Variants in TOP2A observed in about 807,000 individuals in gnomAD.
TOP2A encodes DNA topoisomerase II alpha.
TOP2A carries 68 observed loss-of-function variants against 187.2 expected under a neutral mutation model. The ratio of observed to expected loss-of-function variants is 0.36; its 90% CI spans 0.30 to 0.44. The LOEUF (loss-of-function observed/expected upper bound fraction) is 0.44. Ranked by LOEUF, TOP2A falls within the 20% of genes least tolerant of loss-of-function variation. The pLI is 1.00. For synonymous variants in TOP2A, 542 were observed against 593.2 expected (o/e 0.91, Z 1.25); for missense variants, 1,196 against 1,808.7 (o/e 0.66, Z 6.14).
In TOP2A at chr17:40,399,869, T is replaced by C; in HGVS notation, c.3196+3A>G. The C allele has an allele frequency of 6.3e-7, 1 of 1,590,638 alleles. No individual in the cohort carries two copies. Among genetic ancestry groups the C allele is most frequent in the East Asian group, 2.2e-5 (1 of 44,686 alleles). ...GTAAGCAGTTATTATTCCCAAAACA[T>C]ACCAATGATTATTTTGCCATCTATT... On this transcript the variant is annotated splice_donor_region_variant and intron_variant, in intron 24 of 34. Transcript: ENST00000423485.
rs924500516 is a variant in TOP2A at position 40,392,744 on chromosome 17, G to C, written c.3812-7C>G. ...TGTTTCTTTGTCTTTGTACCTAGAG[G>C]GGAGATAGAAATTAATCACCTTTAT... On this transcript the variant is annotated splice_polypyrimidine_tract_variant and splice_region_variant and intron_variant, in intron 29 of 34. Coordinates refer to ENST00000423485, the MANE Select transcript of TOP2A (RefSeq NM_001067.4). 5.0e-6 allele frequency: 8 copies of C among 1,599,688 alleles called. No individual in the cohort carries two copies. Among genetic ancestry groups the C allele is most frequent in the Non-Finnish European group, 6.0e-6 (7 of 1,176,366 alleles).
intron 20 of TOP2A, among the ~76,000 whole-genome samples, chr17:40,401,650 A>G (rs2143651278): frequency 6.6e-6 from 1 of 152,292 alleles, no homozygotes; most frequent in Middle Eastern, 3.4e-3. Flanking sequence ...CAGAGGTTGC[A>G]ATGAGCCGAA....
Position 40,404,183 on chromosome 17 carries a change from A to G in TOP2A, c.2252T>C (p.Val751Ala). The G allele has an allele frequency of 6.2e-7, 1 of 1,613,846 alleles. No homozygotes were observed. Among genetic ancestry groups the G allele is most frequent in the Non-Finnish European group, 8.5e-7 (1 of 1,179,842 alleles). ...EVKVAQLAGS[V>A]AEMSSYHHGE... ...ATGATGATAAGAAGACATTTCAGCC[A>G]CTGATCCAGCTAATTGGGCAACCTT... is the stretch of plus-strand genomic sequence containing the variant. Residue 751 changes from valine (V) to alanine (A), a missense_variant, in exon 19 of 35, where the codon GTG becomes GCG. Transcript: ENST00000423485.
Position 40,398,595 on chromosome 17 carries a change from C to T in TOP2A, c.3500G>A (p.Trp1167Ter). Residue 1167 changes from tryptophan (W) to a stop codon, truncating the protein, a stop_gained, in exon 27 of 35, where the codon TGG becomes TAG. Transcript: ENST00000423485. LOFTEE classifies it high-confidence loss of function. The stretch of plus-strand genomic sequence containing the variant: ...AATAAATGTAGCCAAGTCTTCTTTC[C>T]ACAAATCTGATGGACTCTTTCTTTT... ...TLKRKSPSDL[W>*]KEDLATFIEE... The T allele has an allele frequency of 6.3e-7, 1 of 1,591,220 alleles. No individual in the cohort carries two copies. Among genetic ancestry groups the T allele is most frequent in the Non-Finnish European group, 8.6e-7 (1 of 1,167,186 alleles).
At chr17:40,409,981 G>A (rs1019735463) in intron 10 of TOP2A, 25 of 170,194 alleles carry the variant, frequency 1.5e-4, no homozygotes, top group African/African-American at 3.8e-4. Context: ...TCAGCTACTC[G>A]GGAGGCTGAG....
rs534014300 is a variant in TOP2A at position 40,389,299 on chromosome 17, A to G, written c.*220T>C. ...ACAAAAGAAAGCAGACTCAAAACAC[A>G]GACAAAGCAGAGAAGAAAACAATGC... On this transcript the variant is annotated 3_prime_UTR_variant, in exon 35 of 35. Coordinates refer to ENST00000423485, the MANE Select transcript of TOP2A (RefSeq NM_001067.4). 2.2e-4 allele frequency: 93 copies of G among 423,532 alleles called. No homozygotes were observed. The highest frequency in any genetic ancestry group is 1.8e-3 in the African/African-American group (88 of 49,560). The allele number at this position is 423,532 out of a possible 1,614,324, so 26.2% of individuals were successfully genotyped here.
chr17:40,406,326 C>G, intron 16 of TOP2A, 58 bp downstream of exon 16: 1 of 1,248,210 alleles, frequency 8.0e-7, no homozygotes, highest in Non-Finnish European at 1.1e-6. Flanking sequence ...AATGTTTCAA[C>G]TGGCTAAAGT....
rs950938894 is a variant in TOP2A at position 40,401,051 on chromosome 17, T to G, written c.2463A>C (p.Lys821Asn). The change falls in exon 21 of 35, where the codon AAA becomes AAC. Residue 821 changes from lysine (K) to asparagine (N), a missense_variant. Lys to Asn is a moderately conservative substitution (Grantham distance 94, BLOSUM62 0). Coordinates refer to ENST00000423485, the MANE Select transcript of TOP2A (RefSeq NM_001067.4). ...SSLARLLFPP[K>N]DDHTLKFLYD... Reference sequence around the variant, plus strand: ...ATAAAAACTTCAACGTGTGATCATCTTTTGGTGGAAATAACAATCGAGCCA... The same window carrying G: ...ATAAAAACTTCAACGTGTGATCATCGTTTGGTGGAAATAACAATCGAGCCA... 1 of 1,613,624 alleles carries G rather than the reference T, an allele frequency of 6.2e-7. No individual in the cohort carries two copies. The highest frequency in any genetic ancestry group is 8.5e-7 in the Non-Finnish European group (1 of 1,179,766).
Position 40,389,946 on chromosome 17 carries a change from G to T in TOP2A, c.4467+19C>A. On this transcript the variant is annotated intron_variant, in intron 34 of 34. Transcript: ENST00000423485. ...TCAGAACATCTACAGCAAAAGGACT[G>T]ACTAGGATCAACACTCACCTTGCTT... is the stretch of plus-strand genomic sequence containing the variant. 6.2e-7 allele frequency: 1 copy of T among 1,606,238 alleles called. No homozygotes were observed. The highest frequency in any genetic ancestry group is 1.1e-5 in the South Asian group (1 of 89,616).
At chr17:40,412,560 C>T (rs1231938369) in intron 7 of TOP2A, among the ~76,000 whole-genome samples, 199 bp downstream of exon 7, 3 of 152,182 alleles carry the variant, frequency 2.0e-5, no homozygotes, top group East Asian at 1.9e-4. Context: ...AGGAGAATTG[C>T]GTGAACCTGG....
chr17:40,411,812 C>T lies in TOP2A; in HGVS notation c.796G>A (p.Gly266Arg). 6 of 1,585,680 alleles carry T rather than the reference C, an allele frequency of 3.8e-6. No homozygotes were observed. Among genetic ancestry groups the T allele is most frequent in the Non-Finnish European group, 5.1e-6 (6 of 1,170,948 alleles). The change falls in exon 8 of 35, where the codon GGA becomes AGA. Residue 266 changes from glycine to arginine, a missense_variant. Gly to Arg is a moderately radical substitution (Grantham distance 125). Coordinates refer to ENST00000423485, the MANE Select transcript of TOP2A (RefSeq NM_001067.4). This position sits in a 1 kb window ranked among gnomAD's most constrained non-coding sequence, Gnocchi z 4.4. ...TACATGTCCACATAACTACGAAATC[C>T]TTTTACCTGTACAGGAATTAAAGGT... is the stretch of plus-strand genomic sequence containing the variant. Reference protein sequence around the residue: ...FLNGNKLPVKGFRSYVDMYLK... With the variant: ...FLNGNKLPVKRFRSYVDMYLK...
rs1294473895 is a variant in TOP2A, at chr17:40,396,403, G to A, written c.3600C>T (p.Ala1200=). 1 of 1,613,474 alleles carries A rather than the reference G, an allele frequency of 6.2e-7. No homozygotes were observed. Among genetic ancestry groups the A allele is most frequent in the Admixed American group, 1.7e-5 (1 of 59,946 alleles). The part of the protein sequence containing the change: ...QVGLPGKGGK[A]KGKKTQMAEV... ...CAGCCATTTGTGTTTTTTTCCCCTT[G>A]GCCTTCCCCCCTTTCCCAGGAAGTC... is the stretch of plus-strand genomic sequence containing the variant. The change falls in exon 28 of 35, where the codon GCC becomes GCT. Residue 1200 remains alanine (A), a synonymous_variant. Transcript: ENST00000423485.
intron 16 of TOP2A, 87 bp from the exon 17 acceptor site, chr17:40,404,970 A>C (rs1477586640): frequency 1.2e-6 from 1 of 817,428 alleles, no homozygotes; most frequent in East Asian, 2.8e-5. Context: ...GAACAACAGA[A>C]AAACAAAAAT....
Position 40,406,503 on chromosome 17 carries a change from C to A in TOP2A, c.1844-10G>T, listed in dbSNP as rs1297046811. The A allele has an allele frequency of 6.2e-7, 1 of 1,611,760 alleles. No individual in the cohort carries two copies. On this transcript the variant is annotated splice_polypyrimidine_tract_variant and intron_variant, in intron 15 of 34. Coordinates refer to ENST00000423485, the MANE Select transcript of TOP2A (RefSeq NM_001067.4). ...GTGCTGGTGCCCAAACCTATAAAACCAAAAATACCAAGTTCCTTCATATAG... is the reference window on the plus strand; with the variant it reads ...GTGCTGGTGCCCAAACCTATAAAACAAAAAATACCAAGTTCCTTCATATAG...
In TOP2A at chr17:40,391,541, T is replaced by C. The variant is rs1447149111; in HGVS notation, c.4232A>G (p.Lys1411Arg). ...DETEITNPVP[K>R]KNVTVKKTAA... The stretch of plus-strand genomic sequence containing the variant: ...TGTCTTCTTCACTGTCACATTCTTT[T>C]TAGGAACTGGGTTTGTAATTTCAGT... Residue 1411 changes from lysine (K) to arginine (R), a missense_variant, in exon 33 of 35, where the codon AAA (lysine) becomes AGA (arginine). By Grantham distance (26) the Lys-to-Arg change is conservative (BLOSUM62 2). This residue lies in a region of TOP2A where 374 missense variants were observed against 403.3 expected (regional missense o/e 0.93). Coordinates refer to ENST00000423485, the MANE Select transcript of TOP2A (RefSeq NM_001067.4). The C allele has an allele frequency of 1.2e-5, 19 of 1,613,384 alleles. No individual in the cohort carries two copies. The East Asian group carries it at 4.2e-4, about 36-fold the overall frequency.
chr17:40,392,303 C>A lies in TOP2A; in HGVS notation c.4003G>T (p.Asp1335Tyr). The A allele has an allele frequency of 6.2e-7, 1 of 1,603,482 alleles. No homozygotes were observed. Among genetic ancestry groups the A allele is most frequent in the Non-Finnish European group, 8.5e-7 (1 of 1,174,306 alleles). ...GTTTTTTCATCAAAATCTGAGAAAT[C>A]TTCATCTGAATCCAAATCCATTGTG... ...KFTMDLDSDE[D>Y]FSDFDEKTDD... is the part of the protein sequence containing the mutation. The change falls in exon 31 of 35, where the codon GAT becomes TAT. Residue 1335 changes from aspartate (D) to tyrosine (Y), a missense_variant. Around this residue, in one of 10 missense-constraint regions of TOP2A, gnomAD observed 374 missense variants for 403.3 expected, o/e 0.93. Transcript: ENST00000423485.
Position 40,395,477 on chromosome 17 carries a change from T to A in TOP2A, c.3783A>T (p.Arg1261Ser). ...GTTCTCTTTTCTGTTTCTTTTCTAA[T>A]CTTTGTTTTAGGCCTTCTAGTTCCA... The part of the protein sequence containing the change: ...DGVELEGLKQ[R>S]LEKKQKREPG... The change falls in exon 29 of 35, where the codon AGA becomes AGT. Residue 1261 changes from arginine to serine, a missense_variant. Physicochemically the swap from Arg to Ser is moderately radical, Grantham distance 110. Coordinates refer to ENST00000423485, the MANE Select transcript of TOP2A (RefSeq NM_001067.4). The A allele has an allele frequency of 6.2e-7, 1 of 1,611,040 alleles. No homozygotes were observed. Among genetic ancestry groups the A allele is most frequent in the Non-Finnish European group, 8.5e-7 (1 of 1,178,460 alleles).
chr17:40,392,147 T>C, intron 31 of TOP2A, 36 bp from the exon 32 acceptor site: 1 of 1,610,970 alleles, frequency 6.2e-7, no homozygotes, highest in Non-Finnish European at 8.5e-7. Context: ...CAACCAATTC[T>C]AAATGTGTCA....
At chr17:40,410,756 G>A (rs183772223) in intron 10 of TOP2A, 14 of 418,368 alleles carry the variant, frequency 3.3e-5, no homozygotes, top group African/African-American at 2.7e-4. Context: ...GTTGGAGAGT[G>A]GGGGGCTGCT....
Sources: gnomAD v4.1 joint callset for allele counts (sites outside exome capture counted in the v4.1 genomes callset) on GRCh38, gnomAD v4.1.1 for gene constraint, gnomAD v4.1.1 regional missense constraint, Gnocchi (gnomAD v3.1) non-coding constraint, MANE v1.5 for transcripts, NCBI Gene and HGNC (gene_info 2026-07-23, HGNC 2026-07-21) for gene names.